Variants in SH3BGR observed in about 807,000 individuals in gnomAD.
The protein encoded by SH3BGR is SH3 domain binding glutamate rich protein, also known as SH3 domain-binding glutamic acid-rich protein.
A neutral mutation model predicts 24.5 loss-of-function variants in SH3BGR; 29 were observed. That is an observed-to-expected ratio of 1.18 (90% CI 0.88 to 1.61). The LOEUF (loss-of-function observed/expected upper bound fraction) is 1.61, where lower values mean the gene tolerates loss of function less well. Ranked by LOEUF, SH3BGR falls within the 40% of genes most tolerant of loss-of-function variation. The probability of loss-of-function intolerance (pLI) is 0.00; values close to 1 mark genes in which losing one functional copy is unlikely to be tolerated. For missense variants in SH3BGR, 162 were observed against 205.8 expected (o/e 0.79, Z 1.30); for synonymous variants, 55 against 65.7 (o/e 0.84, Z 0.79).
At chr21:39,469,075 T>A (rs1036447396) in intron 2 of SH3BGR, among the ~76,000 whole-genome samples, 2 of 151,218 alleles carry the variant, frequency 1.3e-5, no homozygotes, top group Non-Finnish European at 2.9e-5. Context: ...AGTGGTGCCA[T>A]CATGGCCCAT....
chr21:39,503,054 G>T (rs949499950), intron 4 of SH3BGR, among the ~76,000 whole-genome samples: 5 of 151,794 alleles, frequency 3.3e-5, no homozygotes, highest in African/African-American at 1.2e-4. Context: ...GAAAACCAAG[G>T]TCTATACTTT....
intron 1 of SH3BGR, among the ~76,000 whole-genome samples, chr21:39,457,221 CAT>C (rs930552549): frequency 1.9e-4 from 23 of 123,178 alleles, no homozygotes; most frequent in African/African-American, 6.3e-4. Context: ...ATATAAAAAT[CAT>C]ATATAGTTAA....
intron 2 of SH3BGR, among the ~76,000 whole-genome samples, chr21:39,474,474 A>G (rs531391089): frequency 3.3e-5 from 5 of 152,272 alleles, no homozygotes; most frequent in African/African-American, 1.2e-4. Flanking sequence ...TAAAAATTGA[A>G]ACTCTTCTAA....
intron 3 of SH3BGR, among the ~76,000 whole-genome samples, chr21:39,492,445 T>TGG (rs1219746039): frequency 1.0e-3 from 104 of 100,066 alleles, no homozygotes; most frequent in African/African-American, 2.8e-3. Flanking sequence ...TTTCCCTTGG[T>TGG]GTGTGTGTGT....
At chr21:39,500,063 T>C in intron 4 of SH3BGR, 148 bp downstream of exon 4, 1 of 627,930 alleles carries the variant, frequency 1.6e-6, no homozygotes, top group Non-Finnish European at 2.9e-6. Flanking sequence ...AAGTAATTTC[T>C]ACTGATGTGT....
At chr21:39,486,892 T>C (rs1360156592) in intron 3 of SH3BGR, among the ~76,000 whole-genome samples, 2 of 152,066 alleles carry the variant, frequency 1.3e-5, no homozygotes, top group African/African-American at 4.8e-5. Context: ...ATTTTTGTAT[T>C]TTCTTAGTAG....
At chr21:39,461,003 A>T (rs2077745759) in intron 1 of SH3BGR, among the ~76,000 whole-genome samples, 1 of 152,014 alleles carries the variant, frequency 6.6e-6, no homozygotes, top group South Asian at 2.1e-4. Flanking sequence ...CCCAATTCTG[A>T]CTTACTTTTT....
At chr21:39,505,776 A>T (rs933167611) in intron 4 of SH3BGR, among the ~76,000 whole-genome samples, 1 of 152,180 alleles carries the variant, frequency 6.6e-6, no homozygotes, top group Non-Finnish European at 1.5e-5. Context: ...AAAAAAAAAG[A>T]GTGCTAGGTT....
intron 3 of SH3BGR, among the ~76,000 whole-genome samples, chr21:39,475,449 TATA>T (rs2078012182): frequency 6.6e-6 from 1 of 152,224 alleles, no homozygotes; most frequent in Non-Finnish European, 1.5e-5. Context: ...CAATAAATTT[TATA>T]ATACCTAAGT....
At chr21:39,497,318 C>T (rs2078414422) in intron 3 of SH3BGR, among the ~76,000 whole-genome samples, 1 of 151,358 alleles carries the variant, frequency 6.6e-6, no homozygotes, top group African/African-American at 2.4e-5. Flanking sequence ...AATTTGCCAT[C>T]TGTCTGGAAG....
At position 39,511,844 on chromosome 21, in the gene SH3BGR, GT is replaced by G; in HGVS notation, c.*34+37del. The G allele has an allele frequency of 6.4e-7, 1 of 1,571,800 alleles. No homozygotes were observed. Among genetic ancestry groups the G allele is most frequent in the Non-Finnish European group, 8.6e-7 (1 of 1,162,640 alleles). ...GGATTCTGGGGTGGAAAAGCTGCTA[GT>G]TACCGTACTGTATGCTATCTGCGGC... On this transcript the variant is annotated intron_variant, in intron 6 of 6. Coordinates refer to ENST00000333634, the MANE Select transcript of SH3BGR (RefSeq NM_007341.3). The surrounding 1 kb of genome is among the most constrained non-coding windows in gnomAD (Gnocchi z 4.2).
At chr21:39,450,543 G>A (rs1481097943), upstream of SH3BGR, among the ~76,000 whole-genome samples, 1 of 152,070 alleles carries the variant, frequency 6.6e-6, no homozygotes, top group Non-Finnish European at 1.5e-5. Flanking sequence ...TCTCTGCTTC[G>A]GAACGTCGGT....
rs1351537357 is a variant in SH3BGR at position 39,515,317 on chromosome 21, T to A, written c.*264T>A. On this transcript the variant is annotated 3_prime_UTR_variant, in exon 7 of 7. Coordinates refer to ENST00000333634, the MANE Select transcript of SH3BGR (RefSeq NM_007341.3). ...GGCTTTTGAAGATTTTTTTTTCTTT[T>A]TTGCTCTGCATAGCTAGACCATCTT... is the stretch of plus-strand genomic sequence containing the variant. 2 of 251,688 alleles carry A rather than the reference T, an allele frequency of 7.9e-6. No individual in the cohort carries two copies. The highest frequency in any genetic ancestry group is 1.6e-5 in the Non-Finnish European group (2 of 122,720). The allele number at this position is 251,688 out of a possible 1,614,324, so 15.6% of individuals were successfully genotyped here.
chr21:39,501,936 G>T (rs1310238234), intron 4 of SH3BGR, among the ~76,000 whole-genome samples: 2 of 152,222 alleles, frequency 1.3e-5, no homozygotes, highest in Non-Finnish European at 2.9e-5. Context: ...ACTTTGGAAG[G>T]CAGAGGTGGG....
intron 3 of SH3BGR, among the ~76,000 whole-genome samples, chr21:39,482,912 T>C (rs776575646): frequency 3.4e-4 from 51 of 152,142 alleles, no homozygotes; most frequent in Non-Finnish European, 5.6e-4. Context: ...TTAGGTAATC[T>C]TCCCACCTTG....
chr21:39,505,456 T>G (rs1348962215), intron 4 of SH3BGR, among the ~76,000 whole-genome samples: 1 of 152,150 alleles, frequency 6.6e-6, no homozygotes, highest in African/African-American at 2.4e-5. Flanking sequence ...TAAGGTCAAT[T>G]CAGATATTGA....
At chr21:39,470,469 C>A (rs990709591) in intron 2 of SH3BGR, among the ~76,000 whole-genome samples, 1 of 152,068 alleles carries the variant, frequency 6.6e-6, no homozygotes, top group Non-Finnish European at 1.5e-5. Context: ...ACCATGTTGG[C>A]CAGGCTGGTC....
chr21:39,450,894 G>A (rs2077565648), upstream of SH3BGR, among the ~76,000 whole-genome samples: 1 of 152,062 alleles, frequency 6.6e-6, no homozygotes, highest in Non-Finnish European at 1.5e-5. Flanking sequence ...CAAACTCCTG[G>A]CTAAAGGGCT....
intron 3 of SH3BGR, among the ~76,000 whole-genome samples, chr21:39,489,314 G>A (rs145969623): frequency 1.9e-4 from 29 of 152,322 alleles, no homozygotes; most frequent in Non-Finnish European, 3.1e-4. Flanking sequence ...AGAAACTATG[G>A]GAGAATCCCT....
Sources: allele counts gnomAD v4.1 joint callset (sites outside exome capture counted in the v4.1 genomes callset), GRCh38; gene constraint gnomAD v4.1.1; non-coding constraint Gnocchi (gnomAD v3.1); transcripts MANE v1.5; gene names NCBI Gene and HGNC (gene_info 2026-07-23, HGNC 2026-07-21).